COMMD1: variants seen among roughly 807,000 people sequenced by gnomAD.
COMMD1 encodes the protein copper metabolism domain containing 1, also known as COMM domain-containing protein 1.
In COMMD1, 10 loss-of-function variants were observed where a neutral mutation model predicts 17.2. The observed-to-expected ratio is 0.58, with a 90% CI of 0.36 to 0.99. COMMD1 has a LOEUF of 0.99. Among genes scored for constraint, COMMD1 ranks in the 50% least tolerant of loss-of-function variants. The pLI is 0.01. For missense variants in COMMD1, 270 were observed against 231.8 expected, an observed-to-expected ratio of 1.17 and a Z score of -1.07; for synonymous variants, 97 against 91.6, an observed-to-expected ratio of 1.06 and a Z score of -0.34.
At chr2:61,904,347 G>A (rs115367997), upstream of COMMD1, among the ~76,000 whole-genome samples, 1,211 of 152,312 alleles carry the variant, frequency 8.0e-3, 19 homozygotes, top group African/African-American at 0.028. Context: ...AATATATACA[G>A]AATATTCCAG....
chr2:61,971,038 A>C (rs1223806834), intron 1 of COMMD1, among the ~76,000 whole-genome samples: 1 of 152,118 alleles, frequency 6.6e-6, no homozygotes, highest in Non-Finnish European at 1.5e-5. Context: ...CCTCCGGAGT[A>C]GCTGGGACTA....
At chr2:61,936,193 C>T (rs2103622500) in intron 1 of COMMD1, among the ~76,000 whole-genome samples, 1 of 152,242 alleles carries the variant, frequency 6.6e-6, no homozygotes, top group Non-Finnish European at 1.5e-5. Flanking sequence ...ATTAGCGTCT[C>T]TGGTAGGGTT....
intron 1 of COMMD1, chr2:61,928,576 A>G (rs1572971226): frequency 6.6e-6 from 1 of 152,210 alleles, no homozygotes; most frequent in Non-Finnish European, 1.5e-5. Context: ...CCTTTATAGG[A>G]CATGCTACCC....
At chr2:61,913,474 G>C (rs544514218) in intron 1 of COMMD1, among the ~76,000 whole-genome samples, 1 of 150,748 alleles carries the variant, frequency 6.6e-6, no homozygotes. Context: ...TCAGGAGATC[G>C]AGACCATCCT....
intron 1 of COMMD1, among the ~76,000 whole-genome samples, chr2:61,927,970 G>A (rs908492419): frequency 6.6e-6 from 1 of 151,738 alleles, no homozygotes; most frequent in Admixed American, 6.6e-5. Flanking sequence ...TCATCATATT[G>A]GTCAGGCTGG....
chr2:61,938,061 A>T (rs2103626950), intron 1 of COMMD1, among the ~76,000 whole-genome samples: 1 of 152,254 alleles, frequency 6.6e-6, no homozygotes, highest in East Asian at 1.9e-4. Context: ...TGTTACAGGT[A>T]ATTAGGCATG....
At chr2:61,922,315 T>C (rs112990247) in intron 1 of COMMD1, among the ~76,000 whole-genome samples, 3 of 152,074 alleles carry the variant, frequency 2.0e-5, no homozygotes, top group African/African-American at 7.2e-5. Flanking sequence ...TGGCAGTTTT[T>C]TTGTTTGTTT....
intron 2 of COMMD1, among the ~76,000 whole-genome samples, chr2:62,084,411 A>C (rs1457601866): frequency 1.3e-5 from 2 of 152,200 alleles, no homozygotes; most frequent in Non-Finnish European, 2.9e-5. Context: ...GATCATAAGG[A>C]AGATAAAATA....
intron 1 of COMMD1, chr2:61,915,783 AC>A: frequency 4.7e-6 from 2 of 422,304 alleles, no homozygotes; most frequent in East Asian, 7.6e-5. Context: ...GGTATGAGCC[AC>A]CACGCTTGGC....
At chr2:61,933,725 A>G (rs1441013021) in intron 1 of COMMD1, among the ~76,000 whole-genome samples, 3 of 152,108 alleles carry the variant, frequency 2.0e-5, no homozygotes, top group Non-Finnish European at 4.4e-5. Flanking sequence ...AGTTATAGTA[A>G]AAGAAAATGA....
chr2:62,019,408 C>G (rs1669551987), intron 2 of COMMD1, among the ~76,000 whole-genome samples: 1 of 151,972 alleles, frequency 6.6e-6, no homozygotes, highest in South Asian at 2.1e-4. Flanking sequence ...CTCCTGACCT[C>G]AAGAGATTCA....
intron 2 of COMMD1, among the ~76,000 whole-genome samples, chr2:62,062,987 G>A (rs763555435): frequency 2.6e-5 from 4 of 151,962 alleles, no homozygotes; most frequent in Non-Finnish European, 5.9e-5. Flanking sequence ...GGGAGGCCGA[G>A]GCGGGTGGAT....
intron 1 of COMMD1, among the ~76,000 whole-genome samples, chr2:61,956,036 G>A (rs1304684624): frequency 6.6e-6 from 1 of 152,144 alleles, no homozygotes; most frequent in African/African-American, 2.4e-5. Flanking sequence ...ATAAAGCACG[G>A]GTATATGTAG....
intron 1 of COMMD1, among the ~76,000 whole-genome samples, chr2:61,891,250 G>A (rs6756087): frequency 0.39 from 59,537 of 152,012 alleles, 11,860 homozygotes; most frequent in Middle Eastern, 0.46. Flanking sequence ...TTGGCTTCTT[G>A]GGAGAGTCTT....
At chr2:62,047,586 C>A (rs535490438) in intron 2 of COMMD1, among the ~76,000 whole-genome samples, 1 of 151,940 alleles carries the variant, frequency 6.6e-6, no homozygotes, top group Non-Finnish European at 1.5e-5. Flanking sequence ...TCCTGAGTAG[C>A]TGGGACTACA....
rs146134477 is a variant in COMMD1 at position 61,966,597 on chromosome 2, C to T, written c.181-34104C>T. 1.4e-3 allele frequency among the ~76,000 whole-genome samples: 220 copies of T among 151,972 alleles called. 3 individuals carry two copies. The highest frequency in any genetic ancestry group is 5.2e-3 in the African/African-American group (214 of 41,492). On this transcript the variant is annotated intron_variant, in intron 1 of 2. Transcript: ENST00000311832. ...TCATGTATAAAGGCTCTAGTAATGT[C>T]CTAGGTCATCAGATAAATAGAAGCC...
intron 1 of COMMD1, among the ~76,000 whole-genome samples, chr2:61,934,888 G>C (rs758240683): frequency 6.6e-6 from 1 of 152,154 alleles, no homozygotes; most frequent in Non-Finnish European, 1.5e-5. Flanking sequence ...AAATTGCTGA[G>C]ATTACAGGCA....
chr2:61,938,931 A>G (rs1469984840), intron 1 of COMMD1, among the ~76,000 whole-genome samples: 1 of 152,226 alleles, frequency 6.6e-6, no homozygotes, highest in Non-Finnish European at 1.5e-5. Context: ...GAAAAATTAT[A>G]ATCTGGTACT....
At chr2:62,104,360 G>A (rs187284154) in intron 2 of COMMD1, among the ~76,000 whole-genome samples, 2 of 151,924 alleles carry the variant, frequency 1.3e-5, no homozygotes, top group East Asian at 3.9e-4. Context: ...CAGGCCAGGC[G>A]CAGTGGCTCA....
Sources: allele counts gnomAD v4.1 joint callset (sites outside exome capture counted in the v4.1 genomes callset), GRCh38; gene constraint gnomAD v4.1.1; transcripts MANE v1.5; gene names NCBI Gene and HGNC (gene_info 2026-07-23, HGNC 2026-07-21).